CADPS: variants seen among roughly 807,000 people sequenced by gnomAD.
CADPS encodes the protein calcium-dependent secretion activator 1.
Under a neutral mutation model 167.3 loss-of-function variants are expected in CADPS, and 57 were observed. The observed-to-expected ratio is 0.34, with a 90% CI of 0.28 to 0.42. CADPS has a LOEUF of 0.42. Ranked by LOEUF, CADPS falls within the 20% of genes least tolerant of loss-of-function variation. CADPS has a pLI of 1.00. For missense variants in CADPS, 1,414 were observed against 1,738.1 expected (o/e 0.81, Z 3.32); for synonymous variants, 676 against 635.3 (o/e 1.06, Z -0.96).
At chr3:62,585,154 C>A (rs1311793196) in intron 8 of CADPS, 31 bp downstream of exon 8, 3 of 1,608,492 alleles carry the variant, frequency 1.9e-6, no homozygotes, top group Admixed American at 3.3e-5. Context: ...GACGTGTGTC[C>A]AAAACTGCTA....
intron 3 of CADPS, among the ~76,000 whole-genome samples, chr3:62,722,142 G>T (rs1247985065): frequency 6.6e-6 from 1 of 152,198 alleles, no homozygotes; most frequent in Non-Finnish European, 1.5e-5. Flanking sequence ...AGCAGCAAGG[G>T]GCAGCCTCTG....
At chr3:62,717,578 T>C (rs2084930417) in intron 3 of CADPS, among the ~76,000 whole-genome samples, 1 of 152,306 alleles carries the variant, frequency 6.6e-6, no homozygotes, top group African/African-American at 2.4e-5. Flanking sequence ...TCACATTCCA[T>C]ATCTAGTTGA....
At chr3:62,870,240 T>C (rs1346930106) in intron 1 of CADPS, among the ~76,000 whole-genome samples, 2 of 152,164 alleles carry the variant, frequency 1.3e-5, no homozygotes, top group Non-Finnish European at 2.9e-5. Flanking sequence ...GTCACTTTGT[T>C]CTCTCAAAAG....
chr3:62,438,963 G>A lies in CADPS; in HGVS notation c.3670-752C>T, dbSNP rs1330939661. ...GATTTTCTGGAAAGGTAAGCTGGTGGTTCATCCTGCAGTTAGGAAATGACT... is the reference window on the plus strand; with the variant it reads ...GATTTTCTGGAAAGGTAAGCTGGTGATTCATCCTGCAGTTAGGAAATGACT... On this transcript the variant is annotated intron_variant, in intron 27 of 29. Transcript: ENST00000383710. This position sits in a 1 kb window ranked among gnomAD's most constrained non-coding sequence, Gnocchi z 4.7. 7.9e-5 allele frequency: 12 copies of A among 151,884 alleles called. No homozygotes were observed. The highest frequency in any genetic ancestry group is 7.9e-4 in the Admixed American group (12 of 15,246). 9.4% of individuals were successfully genotyped at this position (151,884 alleles called of 1,614,324 possible).
At chr3:62,798,624 A>C (rs1263094837) in intron 1 of CADPS, among the ~76,000 whole-genome samples, 1 of 152,132 alleles carries the variant, frequency 6.6e-6, no homozygotes, top group Non-Finnish European at 1.5e-5. Context: ...GAGAATACTA[A>C]TACAAACAGG....
At chr3:62,647,662 C>T (rs11130894) in intron 5 of CADPS, among the ~76,000 whole-genome samples, 13,508 of 152,138 alleles carry the variant, frequency 0.089, 682 homozygotes, top group Non-Finnish European at 0.1. Context: ...CATAAGTGAA[C>T]ATTTTTACAT....
intron 9 of CADPS, among the ~76,000 whole-genome samples, chr3:62,564,480 A>G (rs907844582): frequency 2.6e-5 from 4 of 152,324 alleles, no homozygotes; most frequent in African/African-American, 7.2e-5. Flanking sequence ...AACCATATAA[A>G]TATAAGTGAT....
intron 13 of CADPS, among the ~76,000 whole-genome samples, chr3:62,523,446 T>C (rs964105683): frequency 6.6e-6 from 1 of 152,232 alleles, no homozygotes; most frequent in Non-Finnish European, 1.5e-5. Flanking sequence ...TTTAGTGTTG[T>C]TAAATTGTCA....
intron 26 of CADPS, among the ~76,000 whole-genome samples, chr3:62,450,551 C>A (rs754923640): frequency 6.6e-6 from 1 of 152,168 alleles, no homozygotes; most frequent in African/African-American, 2.4e-5. Flanking sequence ...TTCTGACCAT[C>A]CCCTCTGGTA....
Position 62,874,126 on chromosome 3 carries a change from C to CGCCCCCACCTGCCGTT in CADPS, c.441+447_441+462dup, listed in dbSNP as rs2083189105. ...AGACGCTCTTCTCCCTCCACCTCGG[C>CGCCCCCACCTGCCGTT]GCCCCCACCTGCCGTTGCCCCCGCC... On this transcript the variant is annotated intron_variant, in intron 1 of 29. Coordinates refer to ENST00000383710, the MANE Select transcript of CADPS (RefSeq NM_003716.4). The surrounding 1 kb of genome is among the most constrained non-coding windows in gnomAD (Gnocchi z 7.1). Among the ~76,000 whole-genome samples, 1 of 152,202 alleles carries CGCCCCCACCTGCCGTT rather than the reference C, an allele frequency of 6.6e-6. No homozygotes were observed. The highest frequency in any genetic ancestry group is 2.4e-5 in the African/African-American group (1 of 41,470).
chr3:62,781,363 T>G (rs2091566358), intron 1 of CADPS, among the ~76,000 whole-genome samples: 1 of 152,118 alleles, frequency 6.6e-6, no homozygotes, highest in Non-Finnish European at 1.5e-5. Flanking sequence ...ATGGATACAC[T>G]CCCATTTAGA....
intron 6 of CADPS, among the ~76,000 whole-genome samples, chr3:62,603,858 G>T (rs916642667): frequency 6.6e-6 from 1 of 151,224 alleles, no homozygotes; most frequent in Non-Finnish European, 1.5e-5. Flanking sequence ...ACAGAGTCTC[G>T]CTCTGTCACC....
chr3:62,558,407 C>A (rs2078563522), intron 9 of CADPS, among the ~76,000 whole-genome samples: 1 of 152,202 alleles, frequency 6.6e-6, no homozygotes, highest in Non-Finnish European at 1.5e-5. Context: ...GCAAGTAGCC[C>A]GTGGGAAAGC....
At chr3:62,775,145 C>T (rs1175490034) in intron 1 of CADPS, among the ~76,000 whole-genome samples, 1 of 151,922 alleles carries the variant, frequency 6.6e-6, no homozygotes, top group Non-Finnish European at 1.5e-5. Context: ...TCAAGCGATT[C>T]TCATACTTTA....
At position 62,412,276 on chromosome 3, in the gene CADPS, C is replaced by T. The variant is rs1004742444; in HGVS notation, c.3778-9091G>A. 1.3e-5 allele frequency among the ~76,000 whole-genome samples: 2 copies of T among 151,256 alleles called. No homozygotes were observed. Among genetic ancestry groups the T allele is most frequent in the East Asian group, 3.9e-4 (2 of 5,128 alleles). On this transcript the variant is annotated intron_variant, in intron 28 of 29. Coordinates refer to ENST00000383710, the MANE Select transcript of CADPS (RefSeq NM_003716.4). The surrounding 1 kb of genome is among the most constrained non-coding windows in gnomAD (Gnocchi z 4.1). ...GGGTCCTAAAGTTTGGACGGCAGCT[C>T]CCTGAGGACTCACTGACGGAGGAGT... is the stretch of plus-strand genomic sequence containing the variant.
At chr3:62,688,495 T>C (rs1407095198) in intron 3 of CADPS, among the ~76,000 whole-genome samples, 3 of 152,072 alleles carry the variant, frequency 2.0e-5, no homozygotes, top group Non-Finnish European at 2.9e-5. Flanking sequence ...GTGCCTACTA[T>C]GTGCCACTGC....
At chr3:62,845,716 C>G (rs895856483) in intron 1 of CADPS, among the ~76,000 whole-genome samples, 1 of 152,222 alleles carries the variant, frequency 6.6e-6, no homozygotes, top group East Asian at 1.9e-4. Flanking sequence ...CCACTATCAT[C>G]TATCTCTTCC....
intron 26 of CADPS, among the ~76,000 whole-genome samples, chr3:62,452,211 G>C (rs1022664785): frequency 2.0e-5 from 3 of 152,128 alleles, no homozygotes; most frequent in African/African-American, 7.2e-5. Flanking sequence ...CATAGTCCCT[G>C]GGCATAGTAA....
intron 3 of CADPS, among the ~76,000 whole-genome samples, chr3:62,742,949 A>G (rs1452378559): frequency 3.3e-5 from 5 of 152,190 alleles, no homozygotes; most frequent in South Asian, 2.1e-4. Context: ...AAACAACCCA[A>G]TTAAAAAGTA....
Sources: allele counts gnomAD v4.1 joint callset (sites outside exome capture counted in the v4.1 genomes callset), GRCh38; gene constraint gnomAD v4.1.1; non-coding constraint Gnocchi (gnomAD v3.1); transcripts MANE v1.5; gene names NCBI Gene and HGNC (gene_info 2026-07-23, HGNC 2026-07-21).